The following KCNJ10 variants were observed in gnomAD, a reference collection of about 807,000 sequenced individuals.
KCNJ10 encodes the protein ATP-sensitive inward rectifier potassium channel 10.
Under a neutral mutation model 22.2 loss-of-function variants are expected in KCNJ10, and 9 were observed. That is an observed-to-expected ratio of 0.40 (90% CI 0.24 to 0.71). KCNJ10 has a LOEUF of 0.71. Ranked by LOEUF, KCNJ10 falls within the 30% of genes least tolerant of loss-of-function variation. KCNJ10 has a pLI of 0.35. For synonymous variants in KCNJ10, 184 were observed against 187.3 expected, an observed-to-expected ratio of 0.98 and a Z score of 0.15; for missense variants, 337 against 482.7, an observed-to-expected ratio of 0.70 and a Z score of 2.83.
chr1:160,062,867 G>A (rs1407493371), intron 1 of KCNJ10, among the ~76,000 whole-genome samples: 14 of 151,190 alleles, frequency 9.3e-5, no homozygotes, highest in Admixed American at 9.2e-4. Flanking sequence ...TACTTCCTTG[G>A]GGTGCCACCT....
intron 1 of KCNJ10, among the ~76,000 whole-genome samples, chr1:160,059,064 T>C (rs1176205869): frequency 6.6e-6 from 1 of 152,164 alleles, no homozygotes; most frequent in Non-Finnish European, 1.5e-5. Flanking sequence ...ATGCCGTGCT[T>C]CATCCTAGCC....
Position 160,038,574 on chromosome 1 carries a change from C to G in KCNJ10, c.*2819G>C, listed in dbSNP as rs1046255092. 6.6e-6 allele frequency: 1 copy of G among 152,196 alleles called. No homozygotes were observed. The highest frequency in any genetic ancestry group is 1.5e-5 in the Non-Finnish European group (1 of 68,036). The allele number at this position is 152,196 out of a possible 1,614,324, so 9.4% of individuals were successfully genotyped here. On this transcript the variant is annotated 3_prime_UTR_variant, in exon 2 of 2. Transcript: ENST00000644903. Reference sequence around the variant, plus strand: ...AGTCTGAAAATCTGGGTGTCCTACCCCATAACCAGGCCAAGATATCTGCCC... The same window carrying G: ...AGTCTGAAAATCTGGGTGTCCTACCGCATAACCAGGCCAAGATATCTGCCC...
intron 1 of KCNJ10, among the ~76,000 whole-genome samples, chr1:160,059,981 C>T (rs546478491): frequency 6.6e-6 from 1 of 152,258 alleles, no homozygotes; most frequent in East Asian, 1.9e-4. Context: ...GTACTCTGTA[C>T]CTGTCATTCA....
chr1:160,066,105 A>G (rs1244564542), intron 1 of KCNJ10, among the ~76,000 whole-genome samples: 1 of 152,190 alleles, frequency 6.6e-6, no homozygotes, highest in African/African-American at 2.4e-5. Context: ...TGACCGACAG[A>G]AGAAGTCTCT....
At chr1:160,049,671 T>TTATTTATATATATATATATATATATA (rs1648830791) in intron 1 of KCNJ10, among the ~76,000 whole-genome samples, 1 of 55,502 alleles carries the variant, frequency 1.8e-5, no homozygotes, top group Admixed American at 2.5e-4. Context: ...AGCATTTTAT[T>TTATTTATATATATATATATATATATA]TATTTATATA....
chr1:160,046,973 C>A (rs965327637), intron 1 of KCNJ10, among the ~76,000 whole-genome samples: 1 of 152,236 alleles, frequency 6.6e-6, no homozygotes, highest in South Asian at 2.1e-4. Context: ...TATTCACCTT[C>A]TTTCTCCTCT....
At chr1:160,046,850 A>G (rs1648753232) in intron 1 of KCNJ10, among the ~76,000 whole-genome samples, 1 of 152,112 alleles carries the variant, frequency 6.6e-6, no homozygotes, top group Non-Finnish European at 1.5e-5. Context: ...GCAAAATAAA[A>G]CATACTCTTT....
chr1:160,043,726 G>A (rs1405076647), intron 1 of KCNJ10, among the ~76,000 whole-genome samples: 1 of 152,260 alleles, frequency 6.6e-6, no homozygotes, highest in East Asian at 1.9e-4. Context: ...AGCTATGTCT[G>A]CACAGGCTCA....
At chr1:160,055,084 C>G (rs911288985) in intron 1 of KCNJ10, among the ~76,000 whole-genome samples, 4 of 152,224 alleles carry the variant, frequency 2.6e-5, no homozygotes, top group East Asian at 1.9e-4. Flanking sequence ...GACTCCAGCT[C>G]ACTCCTTTTA....
intron 1 of KCNJ10, among the ~76,000 whole-genome samples, chr1:160,043,126 A>G (rs771180812): frequency 6.6e-6 from 1 of 152,106 alleles, no homozygotes; most frequent in Non-Finnish European, 1.5e-5. Flanking sequence ...CTTGAAGGTG[A>G]GGGTGAGACT....
At chr1:160,050,257 C>T (rs1648868927) in intron 1 of KCNJ10, among the ~76,000 whole-genome samples, 1 of 151,656 alleles carries the variant, frequency 6.6e-6, no homozygotes, top group South Asian at 2.1e-4. Context: ...CCTCATCCTC[C>T]TGAGTACCTG....
chr1:160,069,104 C>T (rs1365629335), intron 1 of KCNJ10, among the ~76,000 whole-genome samples: 1 of 152,208 alleles, frequency 6.6e-6, no homozygotes, highest in African/African-American at 2.4e-5. Context: ...AGCTTCTTCC[C>T]CATCTGCCTC....
In KCNJ10 at chr1:160,057,724, C is replaced by G. The variant is rs114742722; in HGVS notation, c.-1+12298G>C. On this transcript the variant is annotated intron_variant, in intron 1 of 1. Coordinates refer to ENST00000644903, the MANE Select transcript of KCNJ10 (RefSeq NM_002241.5). ...TGATCTACCAGAAGAGTTTGAGAAA[C>G]TAGGGAGGGTATGATGAGACCTATT... Among the ~76,000 whole-genome samples, 1,456 of 152,256 alleles carry G rather than the reference C, an allele frequency of 9.6e-3. 22 individuals carry two copies. The highest frequency in any genetic ancestry group is 0.033 in the African/African-American group (1,361 of 41,534).
chr1:160,040,632 A>G lies in KCNJ10; in HGVS notation c.*761T>C, dbSNP rs192563441. On this transcript the variant is annotated 3_prime_UTR_variant, in exon 2 of 2. Transcript: ENST00000644903. ...AGATAGGTTTAAAGGTTTAGATAAC[A>G]ACTTGTGTTAGTCACTCCAAATTGA... is the stretch of plus-strand genomic sequence containing the variant. The G allele has an allele frequency of 2.5e-5, 10 of 398,878 alleles. No individual in the cohort carries two copies. The East Asian group carries it at 2.8e-4, about 11-fold the overall frequency. 24.7% of individuals were successfully genotyped at this position (398,878 alleles called of 1,614,324 possible). A position where few individuals can be genotyped will look rare whatever the true frequency, so the allele number is the denominator to read the frequency against.
In KCNJ10 at chr1:160,044,560, G is replaced by C. The variant is rs1648696507; in HGVS notation, c.1-2028C>G. 1.3e-5 allele frequency among the ~76,000 whole-genome samples: 2 copies of C among 152,146 alleles called. 1 individual carries two copies. Among genetic ancestry groups the C allele is most frequent in the South Asian group, 4.1e-4 (2 of 4,830 alleles). ...TGAACATAGTTTTAATTTTCAAAAAGAAAAATGAAGTACCTTTCACAAACT... is the reference window on the plus strand; with the variant it reads ...TGAACATAGTTTTAATTTTCAAAAACAAAAATGAAGTACCTTTCACAAACT... On this transcript the variant is annotated intron_variant, in intron 1 of 1. Coordinates refer to ENST00000644903, the MANE Select transcript of KCNJ10 (RefSeq NM_002241.5).
At chr1:160,062,015 G>C (rs1649209519) in intron 1 of KCNJ10, among the ~76,000 whole-genome samples, 1 of 151,954 alleles carries the variant, frequency 6.6e-6, no homozygotes, top group African/African-American at 2.4e-5. Flanking sequence ...CCGAGAAGTG[G>C]GCAGGCTCTG....
At chr1:160,064,771 T>G (rs1253048372) in intron 1 of KCNJ10, 1 of 152,146 alleles carries the variant, frequency 6.6e-6, no homozygotes, top group Non-Finnish European at 1.5e-5. Context: ...GGAGAAGGAG[T>G]GTGCCTGGCT....
intron 1 of KCNJ10, among the ~76,000 whole-genome samples, chr1:160,065,519 A>G (rs1222500390): frequency 6.6e-6 from 1 of 152,164 alleles, no homozygotes; most frequent in East Asian, 1.9e-4. Flanking sequence ...CAAGTTGCAG[A>G]TGCAAGTAAC....
In KCNJ10 at chr1:160,041,574, C is replaced by G; in HGVS notation, c.959G>C (p.Ser320Thr). 1 of 1,614,218 alleles carries G rather than the reference C, an allele frequency of 6.2e-7. No individual in the cohort carries two copies. The highest frequency in any genetic ancestry group is 8.5e-7 in the Non-Finnish European group (1 of 1,180,036). Residue 320 changes from serine (S) to threonine (T), a missense_variant, in exon 2 of 2, where the codon AGT becomes ACT. Physicochemically the swap from Ser to Thr is moderately conservative, Grantham distance 58 (BLOSUM62 1). Coordinates refer to ENST00000644903, the MANE Select transcript of KCNJ10 (RefSeq NM_002241.5). This position sits in a 1 kb window ranked among gnomAD's most constrained non-coding sequence, Gnocchi z 4.4. ...EFTPAISLSA[S>T]GKYIADFSLF... ...GCTAAAGTCAGCTATGTATTTACCA[C>G]TGGCTGACAGTGAGATGGCAGGTGT...
Sources: gnomAD v4.1 joint callset for allele counts (sites outside exome capture counted in the v4.1 genomes callset) on GRCh38, gnomAD v4.1.1 for gene constraint, Gnocchi (gnomAD v3.1) non-coding constraint, MANE v1.5 for transcripts, NCBI Gene and HGNC (gene_info 2026-07-23, HGNC 2026-07-21) for gene names.